Variants in QTGAL observed in about 807,000 individuals in gnomAD.
The protein encoded by QTGAL is BGnT-like protein 1.
At chr17:83,013,352 G>A in the QTGAL span, among the ~76,000 whole-genome samples, 37 of 65,126 alleles carry the variant, frequency 5.7e-4, no homozygotes, top group Admixed American at 2.5e-3. Flanking sequence ...CCCCAGCACC[G>A]CCCACCCCCA....
At chr17:82,985,544 G>A in the QTGAL span, among the ~76,000 whole-genome samples, 2 of 152,192 alleles carry the variant, frequency 1.3e-5, no homozygotes, top group Admixed American at 1.3e-4. Flanking sequence ...TTCAAACTGT[G>A]CCTCCTCCAC....
At chr17:82,969,410 C>T in the QTGAL span, among the ~76,000 whole-genome samples, 2 of 152,308 alleles carry the variant, frequency 1.3e-5, no homozygotes, top group Non-Finnish European at 2.9e-5. Flanking sequence ...GGTTTCGCTA[C>T]GTTGCCCAGG....
the QTGAL span, among the ~76,000 whole-genome samples, chr17:82,988,515 TTAAAC>T: frequency 6.6e-6 from 1 of 152,136 alleles, no homozygotes; most frequent in African/African-American, 2.4e-5. Context: ...TGGGACCTAA[TTAAAC>T]TAAAGAGCTT....
At chr17:82,952,198 T>C in the QTGAL span, among the ~76,000 whole-genome samples, 1 of 152,176 alleles carries the variant, frequency 6.6e-6, no homozygotes, top group Non-Finnish European at 1.5e-5. Flanking sequence ...GGCCGGGCAG[T>C]GTAGACCAAC....
chr17:82,957,387 C>T, the QTGAL span: 111 of 1,613,172 alleles, frequency 6.9e-5, 1 homozygote, highest in African/African-American at 6.3e-4. Context: ...AGTCAAGCTG[C>T]GGTACAGCCG....
At chr17:83,014,367 T>C in the QTGAL span, 2 of 1,435,006 alleles carry the variant, frequency 1.4e-6, no homozygotes, top group Non-Finnish European at 1.9e-6. Flanking sequence ...CCTGATTCTT[T>C]CCACCCCTAG....
chr17:82,974,160 T>C, the QTGAL span, among the ~76,000 whole-genome samples: 1,692 of 152,326 alleles, frequency 0.011, 36 homozygotes, highest in African/African-American at 0.039. Flanking sequence ...TCTACGGAGC[T>C]GGCAGAAGGT....
chr17:82,957,396 C>T, the QTGAL span: 1,497 of 1,613,256 alleles, frequency 9.3e-4, 9 homozygotes, highest in African/African-American at 0.017. Context: ...GCGGTACAGC[C>T]GGCGCCCCTG....
At chr17:83,027,235 C>T in the QTGAL span, among the ~76,000 whole-genome samples, 15 of 152,204 alleles carry the variant, frequency 9.9e-5, no homozygotes, top group South Asian at 2.1e-4. Context: ...ACCCTCACAC[C>T]GCCAAGTGAT....
chr17:83,048,136 C>G, the QTGAL span, among the ~76,000 whole-genome samples: 1 of 152,182 alleles, frequency 6.6e-6, no homozygotes, highest in Non-Finnish European at 1.5e-5. Flanking sequence ...AAGCAATTAT[C>G]ATGCTTCAGC....
chr17:83,023,454 T>C, the QTGAL span, among the ~76,000 whole-genome samples: 56 of 152,382 alleles, frequency 3.7e-4, no homozygotes, highest in Non-Finnish European at 6.8e-4. Context: ...ACCAACATTC[T>C]TTTCTAAATA....
chr17:83,026,979 A>T, the QTGAL span, among the ~76,000 whole-genome samples: 2 of 149,656 alleles, frequency 1.3e-5, no homozygotes, highest in Admixed American at 6.6e-5. Context: ...GAGCCTGCAG[A>T]CAAACCCACC....
the QTGAL span, among the ~76,000 whole-genome samples, chr17:83,032,404 A>G: frequency 5.0e-4 from 37 of 74,716 alleles, no homozygotes; most frequent in African/African-American, 1.5e-3. Context: ...CTGAACAACC[A>G]GGTCAGACCA....
At chr17:83,008,450 A>C in the QTGAL span, among the ~76,000 whole-genome samples, 1 of 152,122 alleles carries the variant, frequency 6.6e-6, no homozygotes, top group Non-Finnish European at 1.5e-5. Flanking sequence ...GAACGTTGAA[A>C]GGAATAGGAT....
At chr17:82,944,710 C>T in the QTGAL span, 4 of 152,188 alleles carry the variant, frequency 2.6e-5, no homozygotes, top group Non-Finnish European at 4.4e-5. Context: ...TGTGTACCCA[C>T]AAACACGTTC....
chr17:83,006,526 G>A, the QTGAL span: 1 of 985,434 alleles, frequency 1.0e-6, no homozygotes, highest in Non-Finnish European at 1.2e-6. This position sits in a 1 kb window ranked among gnomAD's most constrained non-coding sequence, Gnocchi z 5.8. Context: ...AGAGGGACAT[G>A]ATGGAGTCCA....
the QTGAL span, chr17:83,005,256 G>A: frequency 2.9e-5 from 42 of 1,450,440 alleles, no homozygotes; most frequent in Admixed American, 7.0e-5. This position sits in a 1 kb window ranked among gnomAD's most constrained non-coding sequence, Gnocchi z 5.6. Context: ...AGTCAGGTAC[G>A]CAGGTGCATG....
At chr17:83,013,113 G>A in the QTGAL span, among the ~76,000 whole-genome samples, 6 of 152,122 alleles carry the variant, frequency 3.9e-5, no homozygotes, top group Non-Finnish European at 7.4e-5. Flanking sequence ...TTGCAAACAC[G>A]TGACCCTTTT....
At chr17:82,987,144 C>T in the QTGAL span, among the ~76,000 whole-genome samples, 1 of 152,138 alleles carries the variant, frequency 6.6e-6, no homozygotes, top group African/African-American at 2.4e-5. Flanking sequence ...AATTCTTTAC[C>T]CCATTTACCC....
Sources: allele counts gnomAD v4.1 joint callset (sites outside exome capture counted in the v4.1 genomes callset), GRCh38; gene constraint gnomAD v4.1.1; non-coding constraint Gnocchi (gnomAD v3.1); transcripts MANE v1.5; gene names NCBI Gene and HGNC (gene_info 2026-07-23, HGNC 2026-07-21).